The following TNFSF4 variants were observed in gnomAD, a reference collection of about 807,000 sequenced individuals.
The protein encoded by TNFSF4 is TNF superfamily member 4.
A neutral mutation model predicts 7.3 loss-of-function variants in TNFSF4; 4 were observed. The ratio of observed to expected loss-of-function variants is 0.55; its 90% CI spans 0.27 to 1.25. The LOEUF is 1.25. Ranked by LOEUF, TNFSF4 falls within the 50% of genes most tolerant of loss-of-function variation. The probability of loss-of-function intolerance (pLI) is 0.12; values close to 1 mark genes in which losing one functional copy is unlikely to be tolerated. For missense variants in TNFSF4, 181 were observed against 208.8 expected (o/e 0.87, Z 0.82); for synonymous variants, 76 against 83.7 (o/e 0.91, Z 0.50).
At chr1:173,338,995 T>C in the TNFSF4 span, among the ~76,000 whole-genome samples, 2 of 152,144 alleles carry the variant, frequency 1.3e-5, no homozygotes, top group Non-Finnish European at 2.9e-5. Context: ...TACTATGCCC[T>C]GTGATTAAGG....
chr1:173,283,298 C>A, the TNFSF4 span, among the ~76,000 whole-genome samples: 15 of 152,182 alleles, frequency 9.9e-5, no homozygotes, highest in South Asian at 4.1e-4. Flanking sequence ...CTTTCCCCCC[C>A]CAAAAAAGAG....
At chr1:173,194,880 CAAAAA>C (rs11406483) in intron 1 of TNFSF4, among the ~76,000 whole-genome samples, 1 of 74,338 alleles carries the variant, frequency 1.3e-5, no homozygotes, top group Non-Finnish European at 2.7e-5. Context: ...GAACTTGTCT[CAAAAA>C]AAAAAAAAAA....
chr1:173,254,821 G>GAACT, the TNFSF4 span, among the ~76,000 whole-genome samples: 4 of 152,164 alleles, frequency 2.6e-5, no homozygotes, highest in African/African-American at 9.6e-5. Context: ...GATCAAAGAG[G>GAACT]AACTGCCTGC....
chr1:173,230,312 C>T, the TNFSF4 span, among the ~76,000 whole-genome samples: 1 of 152,210 alleles, frequency 6.6e-6, no homozygotes, highest in African/African-American at 2.4e-5. Context: ...AACTGAACAA[C>T]CTGCTCCTGA....
At chr1:173,220,949 TAGAC>T in the TNFSF4 span, among the ~76,000 whole-genome samples, 2 of 151,604 alleles carry the variant, frequency 1.3e-5, no homozygotes, top group Non-Finnish European at 2.9e-5. Flanking sequence ...AGTAATGAAA[TAGAC>T]AGGGACAAGA....
At chr1:173,207,408 C>A (rs1198817263), upstream of TNFSF4, 4 of 400,048 alleles carry the variant, frequency 1.0e-5, no homozygotes, top group Non-Finnish European at 1.3e-5. Context: ...TGTGACTAAT[C>A]TGAATTTCCC....
chr1:173,361,652 AT>A, the TNFSF4 span, among the ~76,000 whole-genome samples: 1 of 152,258 alleles, frequency 6.6e-6, no homozygotes, highest in East Asian at 1.9e-4. Context: ...TTCCAAACAA[AT>A]AGATAACAAA....
the TNFSF4 span, among the ~76,000 whole-genome samples, chr1:173,351,389 G>A: frequency 6.6e-6 from 1 of 152,242 alleles, no homozygotes. Flanking sequence ...GAATTACTCT[G>A]TCACAACATT....
chr1:173,173,685 C>T, the TNFSF4 span, among the ~76,000 whole-genome samples: 11 of 152,200 alleles, frequency 7.2e-5, no homozygotes, highest in South Asian at 2.1e-4. Flanking sequence ...GGGCTTGCAC[C>T]GTCTGAAGCA....
At chr1:173,178,420 A>G in the TNFSF4 span, among the ~76,000 whole-genome samples, 1 of 152,096 alleles carries the variant, frequency 6.6e-6, no homozygotes, top group Non-Finnish European at 1.5e-5. Context: ...TAAAAATACA[A>G]AAAATTAGCC....
chr1:173,289,983 C>T, the TNFSF4 span, among the ~76,000 whole-genome samples: 1 of 151,160 alleles, frequency 6.6e-6, no homozygotes, highest in African/African-American at 2.4e-5. Context: ...AATGGTTCAA[C>T]ATTTTCCAAG....
At chr1:173,235,210 T>C in the TNFSF4 span, among the ~76,000 whole-genome samples, 1 of 152,200 alleles carries the variant, frequency 6.6e-6, no homozygotes, top group Non-Finnish European at 1.5e-5. Context: ...TTTTGCTCTT[T>C]AGTTCAGCTA....
the TNFSF4 span, among the ~76,000 whole-genome samples, chr1:173,267,568 A>G: frequency 6.6e-6 from 1 of 152,290 alleles, no homozygotes; most frequent in Admixed American, 6.5e-5. Flanking sequence ...AAATTACTAC[A>G]AAACTCAGTG....
the TNFSF4 span, among the ~76,000 whole-genome samples, chr1:173,286,504 A>G: frequency 6.6e-6 from 1 of 152,214 alleles, no homozygotes; most frequent in Admixed American, 6.5e-5. Flanking sequence ...AGGAAAGTAC[A>G]GTCAATTCAA....
At chr1:173,362,473 TTC>T in the TNFSF4 span, 1 of 531,236 alleles carries the variant, frequency 1.9e-6, no homozygotes, top group Non-Finnish European at 3.8e-6. Context: ...CTTCTCTACC[TTC>T]TGTTTCTCCA....
the TNFSF4 span, among the ~76,000 whole-genome samples, chr1:173,267,006 G>C: frequency 2.6e-5 from 4 of 152,114 alleles, no homozygotes; most frequent in Non-Finnish European, 5.9e-5. Context: ...ATGTGGAAAA[G>C]ACAGTCTTAT....
chr1:173,415,058 C>A, the TNFSF4 span, among the ~76,000 whole-genome samples: 1 of 152,238 alleles, frequency 6.6e-6, no homozygotes, highest in Non-Finnish European at 1.5e-5. Context: ...TCCATCCACT[C>A]CCCCAGCGTG....
At chr1:173,392,235 T>A in the TNFSF4 span, among the ~76,000 whole-genome samples, 1 of 152,208 alleles carries the variant, frequency 6.6e-6, no homozygotes, top group South Asian at 2.1e-4. Context: ...AATGCCTATC[T>A]CATAGAATTA....
the TNFSF4 span, among the ~76,000 whole-genome samples, chr1:173,262,161 C>A: frequency 1.2e-4 from 18 of 152,312 alleles, no homozygotes; most frequent in South Asian, 3.7e-3. Context: ...CCCTGGGATA[C>A]AAGGCTGGTT....
Sources: gnomAD v4.1 joint callset for allele counts (sites outside exome capture counted in the v4.1 genomes callset) on GRCh38, gnomAD v4.1.1 for gene constraint, MANE v1.5 for transcripts, NCBI Gene and HGNC (gene_info 2026-07-23, HGNC 2026-07-21) for gene names.